Variants in GTF2H3 observed in about 807,000 individuals in gnomAD.
The protein encoded by GTF2H3 is general transcription factor IIH subunit 3, also known as TFIIH basal transcription factor complex p34 subunit.
Under a neutral mutation model 51.1 loss-of-function variants are expected in GTF2H3, and 42 were observed. The ratio of observed to expected loss-of-function variants is 0.82; its 90% CI spans 0.64 to 1.06. The LOEUF (loss-of-function observed/expected upper bound fraction) is 1.06. GTF2H3 is among the 50% of genes least tolerant of loss of function. The pLI is 0.00. For missense variants in GTF2H3, 326 were observed against 366.1 expected, an observed-to-expected ratio of 0.89 and a Z score of 0.89; for synonymous variants, 123 against 123.8, an observed-to-expected ratio of 0.99 and a Z score of 0.04.
At chr12:123,660,139 A>G (rs1387715237) in intron 12 of GTF2H3, 27 bp from the exon 13 acceptor site, 1 of 1,607,998 alleles carries the variant, frequency 6.2e-7, no homozygotes, top group South Asian at 1.1e-5. Flanking sequence ...AGAACATTAA[A>G]AAATGTTTTC....
rs760838556 is a variant in GTF2H3 at position 123,640,031 on chromosome 12, T to C, written c.93+688T>C. 2.2e-5 allele frequency: 10 copies of C among 449,610 alleles called. 1 individual carries two copies. The highest frequency in any genetic ancestry group is 4.5e-5 in the Non-Finnish European group (10 of 222,102). 27.9% of individuals were successfully genotyped at this position (449,610 alleles called of 1,614,324 possible). A position where few individuals can be genotyped will look rare whatever the true frequency, so the allele number is the denominator to read the frequency against. ...GTACCACCATGCTCAGCTAATTGTT[T>C]GTATTTTTAGTAGAGATGGGGTTTT... On this transcript the variant is annotated intron_variant, in intron 2 of 12. Coordinates refer to ENST00000543341, the MANE Select transcript of GTF2H3 (RefSeq NM_001516.5).
At chr12:123,636,498 GGGCACGGC>G (rs11572922) in intron 1 of GTF2H3, among the ~76,000 whole-genome samples, 1,561 of 152,362 alleles carry the variant, frequency 0.01, 30 homozygotes, top group Admixed American at 0.049. Context: ...TCCTAGAGCC[GGGCACGGC>G]GGCACATGCC....
At chr12:123,649,800 A>G (rs1026448626) in intron 4 of GTF2H3, 3 of 152,228 alleles carry the variant, frequency 2.0e-5, no homozygotes, top group Non-Finnish European at 4.4e-5. Context: ...AGACTGTTCT[A>G]AAATTGGATT....
At chr12:123,644,530 G>A (rs1955420654) in intron 2 of GTF2H3, among the ~76,000 whole-genome samples, 1 of 152,070 alleles carries the variant, frequency 6.6e-6, no homozygotes, top group East Asian at 1.9e-4. Context: ...GCTGGGCGAG[G>A]TAGCACAGGC....
chr12:123,652,690 C>CT lies in GTF2H3; in HGVS notation c.458-11dup. 1 of 1,532,570 alleles carries CT rather than the reference C, an allele frequency of 6.5e-7. No homozygotes were observed. The highest frequency in any genetic ancestry group is 8.9e-7 in the Non-Finnish European group (1 of 1,127,424). 94.9% of individuals were successfully genotyped at this position (1,532,570 alleles called of 1,614,324 possible). On this transcript the variant is annotated splice_polypyrimidine_tract_variant and intron_variant, in intron 6 of 12. Transcript: ENST00000543341. ...TAAGATTTAGTTAAATTTTTTTCTG[C>CT]TTTTTTCTCTTTGTAGACAATCAGG...
At chr12:123,637,473 C>T (rs1191114611) in intron 1 of GTF2H3, among the ~76,000 whole-genome samples, 2 of 151,644 alleles carry the variant, frequency 1.3e-5, no homozygotes, top group African/African-American at 4.8e-5. Context: ...AAAATCTTGA[C>T]GTAGGAATTG....
chr12:123,651,829 A>G (rs1196653518), intron 5 of GTF2H3, among the ~76,000 whole-genome samples: 1 of 152,036 alleles, frequency 6.6e-6, no homozygotes, highest in Non-Finnish European at 1.5e-5. Flanking sequence ...CAAAAAAAAA[A>G]AAAAGAAAAA....
At chr12:123,660,014 C>T (rs751697938) in intron 11 of GTF2H3, 32 bp from the exon 12 acceptor site, 3 of 1,590,096 alleles carry the variant, frequency 1.9e-6, no homozygotes, top group African/African-American at 2.8e-5. Flanking sequence ...TTTTCAGCCA[C>T]CCTATTGTTT....
chr12:123,653,949 AC>A (rs1272907958), intron 7 of GTF2H3, among the ~76,000 whole-genome samples: 1 of 152,334 alleles, frequency 6.6e-6, no homozygotes, highest in East Asian at 1.9e-4. Flanking sequence ...AGAACTGGAA[AC>A]TGCTTAAATA....
In GTF2H3 at chr12:123,660,230, G is replaced by A. The variant is rs1003672687; in HGVS notation, c.922G>A (p.Ala308Thr). ...KAKKKKLKVS[A>T] is the part of the protein sequence containing the mutation. ...CAAGAAAAAGAAACTGAAAGTGTCT[G>A]CCTGAGGATAAAATATTTTCCCCAT... The change falls in exon 13 of 13, where the codon GCC becomes ACC. Residue 308 changes from alanine to threonine, a missense_variant. Physicochemically the swap from Ala to Thr is moderately conservative, Grantham distance 58. Transcript: ENST00000543341. The A allele has an allele frequency of 3.0e-5, 48 of 1,604,564 alleles. No individual in the cohort carries two copies. Among genetic ancestry groups the A allele is most frequent in the Non-Finnish European group, 4.0e-5 (47 of 1,175,212 alleles).
chr12:123,659,743 A>AT (rs1205527581), intron 10 of GTF2H3, 52 bp from the exon 11 acceptor site: 8 of 1,583,018 alleles, frequency 5.1e-6, no homozygotes, highest in East Asian at 2.2e-5. Flanking sequence ...GCTTCATGTT[A>AT]TTTTTTTCCC....
rs956944321 is a variant in GTF2H3, at chr12:123,655,792, G to A, written c.583G>A (p.Val195Ile). Reference sequence around the variant, plus strand: ...TTAGAATATTTTGATTGATGCCTGTGTTTTAGACTCCGACTCAGGGCTCCT... The same window carrying A: ...TTAGAATATTTTGATTGATGCCTGTATTTTAGACTCCGACTCAGGGCTCCT... ...QKQNILIDAC[V>I]LDSDSGLLQQ... Residue 195 changes from valine (V) to isoleucine (I), a missense_variant, in exon 9 of 13, where the codon GTT becomes ATT. Val to Ile is a conservative substitution (Grantham distance 29, BLOSUM62 3). Coordinates refer to ENST00000543341, the MANE Select transcript of GTF2H3 (RefSeq NM_001516.5). The A allele has an allele frequency of 6.3e-7, 1 of 1,596,760 alleles. No homozygotes were observed. The highest frequency in any genetic ancestry group is 1.1e-5 in the South Asian group (1 of 90,460).
intron 4 of GTF2H3, 90 bp from the exon 5 acceptor site, chr12:123,650,904 G>C: frequency 1.3e-6 from 1 of 777,224 alleles, no homozygotes; most frequent in South Asian, 1.5e-5. Context: ...GCTTTGGTGT[G>C]AAAGCATACT....
intron 5 of GTF2H3, among the ~76,000 whole-genome samples, chr12:123,651,546 G>A (rs765277095): frequency 1.3e-5 from 2 of 151,946 alleles, no homozygotes; most frequent in East Asian, 1.9e-4. Context: ...AAGGCCGGGC[G>A]TGGTGGCTCA....
chr12:123,638,203 G>A (rs1021547410), intron 1 of GTF2H3, among the ~76,000 whole-genome samples: 1 of 151,718 alleles, frequency 6.6e-6, no homozygotes, highest in African/African-American at 2.4e-5. Flanking sequence ...CTGTTACCCA[G>A]GCTGGAGTGC....
Position 123,660,205 on chromosome 12 carries a change from C to T in GTF2H3, c.897C>T (p.Ala299=). 1 of 1,610,236 alleles carries T rather than the reference C, an allele frequency of 6.2e-7. No individual in the cohort carries two copies. The highest frequency in any genetic ancestry group is 8.5e-7 in the Non-Finnish European group (1 of 1,178,806). The change falls in exon 13 of 13, where the codon GCC becomes GCT. Residue 299 remains alanine (A), a synonymous_variant. Coordinates refer to ENST00000543341, the MANE Select transcript of GTF2H3 (RefSeq NM_001516.5). The stretch of plus-strand genomic sequence containing the variant: ...TTTCTCTGCCTCCAGTGCTGAAAGC[C>T]AAGAAAAAGAAACTGAAAGTGTCTG... ...FKISLPPVLK[A]KKKKLKVSA
intron 2 of GTF2H3, among the ~76,000 whole-genome samples, chr12:123,644,773 G>T (rs542301750): frequency 9.2e-5 from 14 of 152,258 alleles, no homozygotes; most frequent in Admixed American, 3.9e-4. Context: ...AGTATAGTTA[G>T]TGAACAAATG....
intron 1 of GTF2H3, among the ~76,000 whole-genome samples, chr12:123,635,079 C>G (rs1015949852): frequency 3.9e-5 from 6 of 152,116 alleles, no homozygotes; most frequent in Non-Finnish European, 7.3e-5. Flanking sequence ...GGAGGCAGGC[C>G]TGGCATTGCT....
At chr12:123,646,157 C>G (rs1955444058) in intron 3 of GTF2H3, among the ~76,000 whole-genome samples, 1 of 151,954 alleles carries the variant, frequency 6.6e-6, no homozygotes, top group Admixed American at 6.6e-5. Context: ...ACCGCAGATA[C>G]AGCAAAGTTT....
Sources: allele counts gnomAD v4.1 joint callset (sites outside exome capture counted in the v4.1 genomes callset), GRCh38; gene constraint gnomAD v4.1.1; transcripts MANE v1.5; gene names NCBI Gene and HGNC (gene_info 2026-07-23, HGNC 2026-07-21).